LRIG1: variants seen among roughly 807,000 people sequenced by gnomAD.
LRIG1 encodes leucine rich repeats and immunoglobulin like domains 1, also known as leucine-rich repeats and immunoglobulin-like domains protein 1.
LRIG1 carries 48 observed loss-of-function variants against 99.2 expected under a neutral mutation model. The observed-to-expected ratio is 0.48, with a 90% confidence interval of 0.38 to 0.62. The LOEUF (loss-of-function observed/expected upper bound fraction) is 0.62, where lower values mean the gene tolerates loss of function less well. LRIG1 is among the 20% of genes least tolerant of loss of function. LRIG1 has a pLI of 0.00. For synonymous variants in LRIG1, 772 were observed against 596.1 expected (o/e 1.29, Z -4.30); for missense variants, 1,646 against 1,434.4 (o/e 1.15, Z -2.38).
rs567548694 is a variant in LRIG1 at position 66,401,628 on chromosome 3, G to A, written c.1161-2587C>T. The A allele has an allele frequency of 1.6e-5, 24 of 1,528,366 alleles. No homozygotes were observed. In the Admixed American group the frequency reaches 4.8e-4, roughly 31 times the overall value. 94.7% of individuals were successfully genotyped at this position (1,528,366 alleles called of 1,614,324 possible). ...CCTTACCTTCCCCCAGCAGACATAT[G>A]GGGCTGGGACGGGGAGCTGCAGCCA... On this transcript the variant is annotated intron_variant, in intron 9 of 18. Coordinates refer to ENST00000273261, the MANE Select transcript of LRIG1 (RefSeq NM_015541.3).
chr3:66,446,113 C>T (rs1009936172), intron 3 of LRIG1, among the ~76,000 whole-genome samples: 1 of 152,156 alleles, frequency 6.6e-6, no homozygotes, highest in Non-Finnish European at 1.5e-5. Context: ...GATTTCGCCC[C>T]TCTTTTTTTC....
rs1701181156 is a variant in LRIG1, at chr3:66,383,163, G to A, written c.2310C>T (p.Gly770=). 1 of 1,614,108 alleles carries A rather than the reference G, an allele frequency of 6.2e-7. No homozygotes were observed. The highest frequency in any genetic ancestry group is 1.3e-5 in the African/African-American group (1 of 74,942). The change falls in exon 15 of 19, where the codon GGC becomes GGT. Residue 770 remains glycine, a synonymous_variant. Coordinates refer to ENST00000273261, the MANE Select transcript of LRIG1 (RefSeq NM_015541.3). ...TCAGCTGGCTGTGAGCTCGCTCCGT[G>A]CCCAGGGTGTTGGACATCTCACAGG... The part of the protein sequence containing the change: ...RYTCEMSNTL[G]TERAHSQLSV...
chr3:66,431,931 A>G lies in LRIG1; in HGVS notation c.366-14665T>C, dbSNP rs572544447. ...AGAAGATACACGTAGAAAAAAAGAT[A>G]GGGAATACAGGATGTTGTTCTCACA... On this transcript the variant is annotated intron_variant, in intron 3 of 18. Transcript: ENST00000273261. Among the ~76,000 whole-genome samples the G allele has an allele frequency of 4.6e-5, 7 of 152,344 alleles. 1 individual carries two copies. The South Asian group carries it at 1.4e-3, about 32-fold the overall frequency.
chr3:66,471,370 T>C (rs1575717445), intron 1 of LRIG1, among the ~76,000 whole-genome samples: 1 of 56,534 alleles, frequency 1.8e-5, no homozygotes, highest in South Asian at 2.1e-3. Context: ...ACCTGCACAA[T>C]AGCCCCCCTA....
chr3:66,434,664 T>C (rs748459637), intron 3 of LRIG1, among the ~76,000 whole-genome samples: 1 of 151,298 alleles, frequency 6.6e-6, no homozygotes, highest in Non-Finnish European at 1.5e-5. Context: ...TAAGAATCAC[T>C]TGAACCCAGG....
Position 66,417,193 on chromosome 3 carries a change from T to G in LRIG1, c.439A>C (p.Ser147Arg). The stretch of plus-strand genomic sequence containing the variant: ...CGCACTTCCGTGATGTTGTTCAAAC[T>G]CAGATCTAACACTTCTAAGGAAAGG... ...AYLSLEVLDL[S>R]LNNITEVRNT... Residue 147 changes from serine to arginine, a missense_variant, in exon 4 of 19, where the codon AGT (serine) becomes CGT (arginine). Physicochemically the swap from Ser to Arg is moderately radical, Grantham distance 110. Coordinates refer to ENST00000273261, the MANE Select transcript of LRIG1 (RefSeq NM_015541.3). 6.2e-7 allele frequency: 1 copy of G among 1,614,210 alleles called. No homozygotes were observed. The highest frequency in any genetic ancestry group is 8.5e-7 in the Non-Finnish European group (1 of 1,180,032).
chr3:66,386,000 C>T lies in LRIG1; in HGVS notation c.1770G>A (p.Lys590=), dbSNP rs899673728. Residue 590 remains lysine (K), a synonymous_variant, in exon 13 of 19, where the codon AAG becomes AAA. Coordinates refer to ENST00000273261, the MANE Select transcript of LRIG1 (RefSeq NM_015541.3). ...TNHFGSTYSH[K]ARLTVNVLPS... ...CCATACCATTCACGGTGAGCCTGGC[C>T]TTATGTGAATAGGTGGAGCCAAAGT... The T allele has an allele frequency of 1.9e-6, 3 of 1,614,044 alleles. No homozygotes were observed. Among genetic ancestry groups the T allele is most frequent in the East Asian group, 2.2e-5 (1 of 44,866 alleles).
chr3:66,477,925 C>CA (rs1438714163), intron 1 of LRIG1, among the ~76,000 whole-genome samples: 2 of 151,542 alleles, frequency 1.3e-5, no homozygotes, highest in East Asian at 3.9e-4. Context: ...TTGTTTCGAC[C>CA]AAAAAAAATT....
intron 9 of LRIG1, chr3:66,404,309 TC>T: frequency 7.8e-7 from 1 of 1,288,742 alleles, no homozygotes; most frequent in Non-Finnish European, 1.0e-6. Flanking sequence ...TCTGCTGAGC[TC>T]CCCGTCACTG....
chr3:66,437,817 G>C (rs1703409490), intron 3 of LRIG1, among the ~76,000 whole-genome samples: 1 of 152,128 alleles, frequency 6.6e-6, no homozygotes. Context: ...CAACATCATG[G>C]GGGGAGGAGG....
intron 3 of LRIG1, among the ~76,000 whole-genome samples, chr3:66,440,260 T>G (rs530188234): frequency 3.9e-5 from 6 of 152,260 alleles, no homozygotes; most frequent in African/African-American, 1.4e-4. Context: ...AGGTTTTGAT[T>G]TAACTGCCCT....
At chr3:66,412,795 G>C in intron 6 of LRIG1, 76 bp downstream of exon 6, 1 of 1,485,080 alleles carries the variant, frequency 6.7e-7, no homozygotes, top group Non-Finnish European at 9.2e-7. Context: ...ACATGCATGC[G>C]CACACACACA....
intron 12 of LRIG1, among the ~76,000 whole-genome samples, chr3:66,389,546 T>C (rs1701533437): frequency 6.6e-6 from 1 of 152,018 alleles, no homozygotes; most frequent in Admixed American, 6.6e-5. Context: ...ACAGACAAAA[T>C]AGGCTTTAAG....
chr3:66,439,562 T>C (rs1703473147), intron 3 of LRIG1, among the ~76,000 whole-genome samples: 1 of 140,608 alleles, frequency 7.1e-6, no homozygotes, highest in African/African-American at 2.6e-5. Context: ...ATCTATTTAC[T>C]TTTTTTTTTT....
At chr3:66,443,847 T>C (rs1389476229) in intron 3 of LRIG1, among the ~76,000 whole-genome samples, 1 of 152,222 alleles carries the variant, frequency 6.6e-6, no homozygotes, top group Non-Finnish European at 1.5e-5. Flanking sequence ...TTCATCTCTT[T>C]TGCCCACTGT....
rs1169859464 is a variant in LRIG1, at chr3:66,384,201, C to A, written c.1861G>T (p.Ala621Ser). The A allele has an allele frequency of 6.2e-7, 1 of 1,614,010 alleles. No individual in the cohort carries two copies. The highest frequency in any genetic ancestry group is 1.3e-5 in the African/African-American group (1 of 74,918). ...TGAGGGTTTGGGTGACCTGTGGCAG[C>A]ACATTCGAGGCGGGCCATGGTGGTG... ...RTTTMARLEC[A>S]ATGHPNPQIA... The change falls in exon 14 of 19, where the codon GCT becomes TCT. Residue 621 changes from alanine to serine, a missense_variant. Transcript: ENST00000273261.
chr3:66,449,541 A>C (rs1244694675), intron 3 of LRIG1, among the ~76,000 whole-genome samples: 1 of 152,172 alleles, frequency 6.6e-6, no homozygotes, highest in Non-Finnish European at 1.5e-5. Context: ...AAGGAACAGA[A>C]ATGTATTTTT....
In LRIG1 at chr3:66,382,364, G is replaced by A. The variant is rs145161797; in HGVS notation, c.2526C>T (p.Tyr842=). The A allele has an allele frequency of 3.8e-4, 617 of 1,614,202 alleles. 1 individual carries two copies. The highest frequency in any genetic ancestry group is 8.3e-5 in the Admixed American group (5 of 60,032). Residue 842 remains tyrosine (Y), a synonymous_variant, in exon 16 of 19, where the codon TAC becomes TAT. Transcript: ENST00000273261. ...ETVVPPDVPS[Y]LSSQGTLSDR... ...CAGAAAGGGTCCCCTGAGAAGAGAG[G>A]TAGCTTGGAACATCTGGTGGCACGA...
intron 1 of LRIG1, among the ~76,000 whole-genome samples, chr3:66,490,648 A>C (rs975051140): frequency 1.4e-4 from 1 of 7,106 alleles, no homozygotes; most frequent in Non-Finnish European, 1.4e-3. Flanking sequence ...CATAATTTAA[A>C]AAAAAAAAAT....
Sources: gnomAD v4.1 joint callset for allele counts (sites outside exome capture counted in the v4.1 genomes callset) on GRCh38, gnomAD v4.1.1 for gene constraint, MANE v1.5 for transcripts, NCBI Gene and HGNC (gene_info 2026-07-23, HGNC 2026-07-21) for gene names.